The following PARP9 variants were observed in gnomAD, a reference collection of about 807,000 sequenced individuals.
The protein encoded by PARP9 is protein mono-ADP-ribosyltransferase PARP9.
In PARP9, 48 loss-of-function variants were observed where a neutral mutation model predicts 68.8. That is an observed-to-expected ratio of 0.70 (90% confidence interval 0.55 to 0.89). The LOEUF (loss-of-function observed/expected upper bound fraction) is 0.89. PARP9 is among the 40% of genes least tolerant of loss of function. PARP9 has a pLI of 0.00. For synonymous variants in PARP9, 309 were observed against 333.8 expected (o/e 0.93, Z 0.81); for missense variants, 806 against 969.3 (o/e 0.83, Z 2.24).
chr3:122,554,472 G>T (rs2079470286), intron 4 of PARP9, among the ~76,000 whole-genome samples: 1 of 152,160 alleles, frequency 6.6e-6, no homozygotes, highest in Admixed American at 6.5e-5. Context: ...TGGGATCAAA[G>T]ATTGTTCTAA....
At chr3:122,534,867 C>T (rs2077533212) in intron 10 of PARP9, 3 of 919,640 alleles carry the variant, frequency 3.3e-6, no homozygotes, top group Non-Finnish European at 3.9e-6. Context: ...CAGAGCAAGA[C>T]TCCGTCTCAG....
At chr3:122,538,468 A>C (rs955794659) in intron 8 of PARP9, among the ~76,000 whole-genome samples, 1 of 152,228 alleles carries the variant, frequency 6.6e-6, no homozygotes, top group Admixed American at 6.5e-5. Context: ...CATTTTGTTA[A>C]TGAAGATCTT....
chr3:122,536,665 C>T, intron 9 of PARP9: 2 of 537,280 alleles, frequency 3.7e-6, no homozygotes, highest in Non-Finnish European at 3.2e-6. Context: ...GTGATAAATG[C>T]TATTCCACTT....
At position 122,528,172 on chromosome 3, in the gene PARP9, C is replaced by A; in HGVS notation, c.*192G>T. The stretch of plus-strand genomic sequence containing the variant: ...AAGTGTTTCATTTGGTATCTACCTA[C>A]CCCAACCCCAAGACATAAAGACAGA... On this transcript the variant is annotated 3_prime_UTR_variant, in exon 11 of 11. Coordinates refer to ENST00000682323, the MANE Select transcript of PARP9 (RefSeq NM_001146105.2). The A allele has an allele frequency of 1.6e-6, 1 of 614,012 alleles. No homozygotes were observed. The highest frequency in any genetic ancestry group is 2.6e-6 in the Non-Finnish European group (1 of 380,004). The allele number at this position is 614,012 out of a possible 1,614,324, so 38.0% of individuals were successfully genotyped here.
intron 1 of PARP9, among the ~76,000 whole-genome samples, chr3:122,559,947 T>A (rs1303175026): frequency 6.6e-6 from 1 of 152,218 alleles, no homozygotes; most frequent in Non-Finnish European, 1.5e-5. Flanking sequence ...CTCTACGACC[T>A]GGAACAGGAA....
intron 10 of PARP9, among the ~76,000 whole-genome samples, chr3:122,529,234 T>TAAAA (rs59705545): frequency 2.1e-4 from 16 of 77,250 alleles, no homozygotes; most frequent in African/African-American, 4.0e-4. Context: ...GCGAAACTCT[T>TAAAA]AAAAAAAAAA....
chr3:122,550,454 A>T, intron 6 of PARP9, 130 bp downstream of exon 6: 1 of 740,304 alleles, frequency 1.4e-6, no homozygotes, highest in African/African-American at 1.8e-5. Context: ...TCACCAAGTT[A>T]GAACACCACC....
intron 5 of PARP9, among the ~76,000 whole-genome samples, chr3:122,552,120 A>G (rs114914273): frequency 0.087 from 13,085 of 151,082 alleles, 648 homozygotes; most frequent in Admixed American, 0.14. Context: ...GGGTCTTGCT[A>G]TGTTGCTTAG....
In PARP9 at chr3:122,552,505, G is replaced by A. The variant is rs1319732377; in HGVS notation, c.1020C>T (p.Ser340=). The A allele has an allele frequency of 1.9e-6, 3 of 1,613,908 alleles. No homozygotes were observed. Among genetic ancestry groups the A allele is most frequent in the Non-Finnish European group, 2.5e-6 (3 of 1,179,962 alleles). ...LATKAKQFQR[S]QLVLVTKGFN... ...ATCCTTTTGTGACCAGTACCAACTG[G>A]GACCGTTGAAACTGTTTAGCCTTTG... The change falls in exon 5 of 11, where the codon TCC becomes TCT. Residue 340 remains serine (S), a synonymous_variant. Transcript: ENST00000682323.
At chr3:122,539,507 A>ATCTCTTTC in intron 8 of PARP9, among the ~76,000 whole-genome samples, 1 of 133,236 alleles carries the variant, frequency 7.5e-6, no homozygotes, top group African/African-American at 2.9e-5. Flanking sequence ...CCAAGATGGC[A>ATCTCTTTC]TTTCTTTCTT....
At chr3:122,542,987 A>G (rs1576402758) in intron 7 of PARP9, among the ~76,000 whole-genome samples, 2 of 148,740 alleles carry the variant, frequency 1.3e-5, no homozygotes, top group East Asian at 2.0e-4. Context: ...GCTCACTGCA[A>G]CCTCCGCCTC....
chr3:122,544,570 A>G (rs2078541233), intron 7 of PARP9, among the ~76,000 whole-genome samples: 1 of 151,976 alleles, frequency 6.6e-6, no homozygotes. Flanking sequence ...TAATCCCAAC[A>G]TTTTCGGAGG....
chr3:122,546,993 T>C (rs1261141242), intron 6 of PARP9, among the ~76,000 whole-genome samples: 1 of 112,302 alleles, frequency 8.9e-6, no homozygotes, highest in Admixed American at 8.9e-5. Context: ...TATATATATA[T>C]ATATATATAT....
In PARP9 at chr3:122,537,052, T is replaced by C; in HGVS notation, c.1787A>G (p.Gln596Arg). The stretch of plus-strand genomic sequence containing the variant: ...TTCTTTCATTTCGTCTTGGGTTTTT[T>C]GTTGCTGAATAGTCCACTGTCCTAA... ...RSLGQWTIQQ[Q>R]KTQDEMKENI... The change falls in exon 9 of 11, where the codon CAA (glutamine) becomes CGA (arginine). Residue 596 changes from glutamine to arginine, a missense_variant. Transcript: ENST00000682323. 6.2e-7 allele frequency: 1 copy of C among 1,613,580 alleles called. No individual in the cohort carries two copies. Among genetic ancestry groups the C allele is most frequent in the Non-Finnish European group, 8.5e-7 (1 of 1,179,674 alleles).
Position 122,542,907 on chromosome 3 carries a change from T to C in PARP9, c.1385-2055A>G, listed in dbSNP as rs1373327154. On this transcript the variant is annotated intron_variant, in intron 7 of 10. Transcript: ENST00000682323. ...AAATACACTGAATTTTAACTCTGAG[T>C]TATCTATTTATTTTTTTGAGACCAA... 2.6e-5 allele frequency among the ~76,000 whole-genome samples: 4 copies of C among 152,048 alleles called. No homozygotes were observed. In the East Asian group the frequency reaches 5.8e-4, roughly 22 times the overall value.
upstream of PARP9, chr3:122,564,309 C>A (rs1470455771): frequency 8.0e-7 from 1 of 1,244,400 alleles, no homozygotes; most frequent in Non-Finnish European, 1.1e-6. Flanking sequence ...CTGCCGGGAA[C>A]AGGGAGGGAC....
upstream of PARP9, chr3:122,564,720 T>C (rs1388868450): frequency 2.9e-6 from 4 of 1,367,006 alleles, no homozygotes; most frequent in Non-Finnish European, 3.9e-6. Context: ...GGAGAAAGTA[T>C]GTCACTGTGC....
chr3:122,552,996 C>G (rs2079339186), intron 4 of PARP9, among the ~76,000 whole-genome samples: 1 of 152,164 alleles, frequency 6.6e-6, no homozygotes, highest in Non-Finnish European at 1.5e-5. Context: ...GCCCGACCAC[C>G]ATGACTTTTT....
intron 9 of PARP9, 75 bp from the exon 10 acceptor site, chr3:122,536,417 A>G: frequency 3.9e-6 from 6 of 1,543,202 alleles, no homozygotes; most frequent in Non-Finnish European, 5.2e-6. Context: ...TACTGCTTCA[A>G]AAATAAAGGA....
Sources: gnomAD v4.1 joint callset for allele counts (sites outside exome capture counted in the v4.1 genomes callset) on GRCh38, gnomAD v4.1.1 for gene constraint, MANE v1.5 for transcripts, NCBI Gene and HGNC (gene_info 2026-07-23, HGNC 2026-07-21) for gene names.